Variants in GLE1 observed in about 807,000 individuals in gnomAD.
GLE1 encodes the protein mRNA export factor GLE1.
Under a neutral mutation model 97.3 loss-of-function variants are expected in GLE1, and 78 were observed. The ratio of observed to expected loss-of-function variants is 0.80; its 90% CI spans 0.67 to 0.97. GLE1 has a LOEUF of 0.97. Ranked by LOEUF, GLE1 falls within the 50% of genes least tolerant of loss-of-function variation. GLE1 has a pLI of 0.00. For missense variants in GLE1, 753 were observed against 857.5 expected (o/e 0.88, Z 1.52); for synonymous variants, 302 against 313.4 (o/e 0.96, Z 0.39).
rs2132549708 is a variant in GLE1 at position 128,542,154 on chromosome 9, T to TA, written c.*987dup. ...TGGCCATGGATCTGTTCCTCTGTGCTAAATGTCTTGTGGCAGGGTGTGTTT... is the reference window on the plus strand; with the variant it reads ...TGGCCATGGATCTGTTCCTCTGTGCTAAAATGTCTTGTGGCAGGGTGTGTTT... On this transcript the variant is annotated 3_prime_UTR_variant, in exon 16 of 16. Coordinates refer to ENST00000309971, the MANE Select transcript of GLE1 (RefSeq NM_001003722.2). The TA allele has an allele frequency of 6.6e-6, 1 of 152,418 alleles. No individual in the cohort carries two copies. Among genetic ancestry groups the TA allele is most frequent in the South Asian group, 2.1e-4 (1 of 4,828 alleles). The allele number at this position is 152,418 out of a possible 1,614,324, so 9.4% of individuals were successfully genotyped here.
In GLE1 at chr9:128,541,638, A is replaced by G. The variant is rs1847885328; in HGVS notation, c.*468A>G. The G allele has an allele frequency of 1.2e-5, 2 of 170,894 alleles. No individual in the cohort carries two copies. The highest frequency in any genetic ancestry group is 2.8e-4 in the South Asian group (2 of 7,040). The allele number at this position is 170,894 out of a possible 1,614,324, so 10.6% of individuals were successfully genotyped here. The stretch of plus-strand genomic sequence containing the variant: ...TATTATTTAATAGTTGAGGCCAGAT[A>G]CTTACATGCAAGTCTGGGTTATGGT... On this transcript the variant is annotated 3_prime_UTR_variant, in exon 16 of 16. Transcript: ENST00000309971.
Position 128,538,040 on chromosome 9 carries a change from A to G in GLE1, c.1831A>G (p.Met611Val). 1 of 1,612,978 alleles carries G rather than the reference A, an allele frequency of 6.2e-7. No individual in the cohort carries two copies. The highest frequency in any genetic ancestry group is 1.3e-5 in the African/African-American group (1 of 75,024). The change falls in exon 13 of 16, where the codon ATG becomes GTG. Residue 611 changes from methionine to valine, a missense_variant. By Grantham distance (21) the Met-to-Val change is conservative. Coordinates refer to ENST00000309971, the MANE Select transcript of GLE1 (RefSeq NM_001003722.2). Reference protein sequence around the residue: ...GWRWLAQILNMEPLSDVTATL... With the variant: ...GWRWLAQILNVEPLSDVTATL... ...GCGCTGGTTGGCACAGATCTTAAACATGGAGCCCTTGTCAGATGTGACAGC... is the reference window on the plus strand; with the variant it reads ...GCGCTGGTTGGCACAGATCTTAAACGTGGAGCCCTTGTCAGATGTGACAGC...
At chr9:128,516,665 C>T (rs1026775663) in intron 3 of GLE1, among the ~76,000 whole-genome samples, 3 of 150,676 alleles carry the variant, frequency 2.0e-5, no homozygotes, top group African/African-American at 7.3e-5. Context: ...CTGTTGTCAG[C>T]CCGGGCTGGA....
In GLE1 at chr9:128,520,348, A is replaced by G. The variant is rs1189210592; in HGVS notation, c.433-2320A>G. 8.6e-4 allele frequency among the ~76,000 whole-genome samples: 128 copies of G among 148,078 alleles called. 2 individuals carry two copies. The Admixed American group carries it at 8.7e-3, about 10-fold the overall frequency. On this transcript the variant is annotated intron_variant, in intron 3 of 15. Transcript: ENST00000309971. Reference sequence around the variant, plus strand: ...TATGTGTGTATATGTGTATATGTGTATATATGTATGTGTGTATATATGTAT... The same window carrying G: ...TATGTGTGTATATGTGTATATGTGTGTATATGTATGTGTGTATATATGTAT...
At chr9:128,507,069 C>T (rs1280483979) in intron 1 of GLE1, among the ~76,000 whole-genome samples, 1 of 152,150 alleles carries the variant, frequency 6.6e-6, no homozygotes, top group Admixed American at 6.5e-5. Context: ...AGTTCTGGAA[C>T]TTACCTTTTC....
At chr9:128,505,191 A>G (rs183513968) in intron 1 of GLE1, among the ~76,000 whole-genome samples, 1 of 152,250 alleles carries the variant, frequency 6.6e-6, no homozygotes, top group East Asian at 1.9e-4. Flanking sequence ...TGTCAAAGCA[A>G]TCTCGGCCCC....
intron 11 of GLE1, among the ~76,000 whole-genome samples, chr9:128,534,694 T>C (rs1332103748): frequency 6.6e-6 from 1 of 151,856 alleles, no homozygotes; most frequent in Non-Finnish European, 1.5e-5. Context: ...TAATAATATG[T>C]AATAATATAT....
At position 128,522,699 on chromosome 9, in the gene GLE1, A is replaced by G. The variant is rs1362379991; in HGVS notation, c.464A>G (p.Glu155Gly). 1 of 1,609,110 alleles carries G rather than the reference A, an allele frequency of 6.2e-7. No individual in the cohort carries two copies. ...EGLRLWQEEQ[E>G]RKVQALSEMA... ...CTGAGGCTATGGCAGGAGGAGCAGG[A>G]GAGGAAGGTGCAAGCCCTCTCGGAG... Residue 155 changes from glutamate to glycine, a missense_variant, in exon 4 of 16, where the codon GAG (glutamate) becomes GGG (glycine). Transcript: ENST00000309971.
Position 128,541,132 on chromosome 9 carries a change from C to T in GLE1, c.2059C>T (p.Pro687Ser), listed in dbSNP as rs1847872812. Residue 687 changes from proline (P) to serine (S), a missense_variant, in exon 16 of 16, where the codon CCC becomes TCC. By Grantham distance (74) the Pro-to-Ser change is moderately conservative. Transcript: ENST00000309971. ...KCLQHKDIPV[P>S]KGFLTSSFWR... ...TTTGCAACACAAGGACATTCCTGTC[C>T]CCAAGGGCTTTCTGACTTCCTCCTT... 6.3e-7 allele frequency: 1 copy of T among 1,593,506 alleles called. No individual in the cohort carries two copies. The highest frequency in any genetic ancestry group is 1.3e-5 in the African/African-American group (1 of 74,596).
At chr9:128,532,050 TG>T (rs1278560048) in intron 9 of GLE1, among the ~76,000 whole-genome samples, 8 of 151,170 alleles carry the variant, frequency 5.3e-5, no homozygotes, top group Admixed American at 1.3e-4. Context: ...TTTTTTTTTT[TG>T]ATAAGAGAAC....
intron 3 of GLE1, among the ~76,000 whole-genome samples, chr9:128,520,412 ATATATATG>A (rs915119901): frequency 3.2e-4 from 46 of 144,626 alleles, no homozygotes; most frequent in Middle Eastern, 3.8e-3. Context: ...GTATATATGT[ATATATATG>A]TATATATGTA....
chr9:128,536,582 T>G, intron 12 of GLE1, 98 bp downstream of exon 12: 1 of 1,090,420 alleles, frequency 9.2e-7, no homozygotes. Flanking sequence ...AGAGAGCCAG[T>G]CTAGTTAAAG....
chr9:128,516,348 C>T (rs1846986652), intron 3 of GLE1, among the ~76,000 whole-genome samples: 1 of 151,942 alleles, frequency 6.6e-6, no homozygotes, highest in South Asian at 2.1e-4. Flanking sequence ...GAGATGGAGT[C>T]TTGCTCTGTT....
intron 6 of GLE1, among the ~76,000 whole-genome samples, chr9:128,524,210 C>G (rs562533046): frequency 2.7e-5 from 4 of 150,648 alleles, no homozygotes; most frequent in African/African-American, 9.8e-5. Context: ...TCCTGAGTAG[C>G]TGGGACTACA....
At position 128,524,072 on chromosome 9, in the gene GLE1, C is replaced by CTTTTTTTTT. The variant is rs67466089; in HGVS notation, c.897+243_897+251dup. Among the ~76,000 whole-genome samples the CTTTTTTTTT allele has an allele frequency of 2.7e-4, 19 of 69,978 alleles. 2 individuals are homozygous for CTTTTTTTTT. Among genetic ancestry groups the CTTTTTTTTT allele is most frequent in the African/African-American group, 1.3e-3 (18 of 13,784 alleles). 45.9% of individuals were successfully genotyped at this position (69,978 alleles called of 152,430 possible). The stretch of plus-strand genomic sequence containing the variant: ...TTTTTATACCTGCTTATTCTGGAGT[C>CTTTTTTTTT]TTTTTTTTTTTTTTTTTTTTTTTTT... On this transcript the variant is annotated intron_variant, in intron 6 of 15. Coordinates refer to ENST00000309971, the MANE Select transcript of GLE1 (RefSeq NM_001003722.2).
chr9:128,537,744 A>G (rs1486976062), intron 12 of GLE1, among the ~76,000 whole-genome samples: 1 of 152,192 alleles, frequency 6.6e-6, no homozygotes, highest in Admixed American at 6.5e-5. Context: ...CAGGAGGTGA[A>G]GGCTGCAGTG....
At chr9:128,540,479 CCT>C in intron 15 of GLE1, 141 bp downstream of exon 15, 1 of 696,954 alleles carries the variant, frequency 1.4e-6, no homozygotes, top group Non-Finnish European at 2.6e-6. Flanking sequence ...TTCCTAATTC[CCT>C]CTTAACCTTT....
At chr9:128,507,586 A>T (rs1846676810) in intron 1 of GLE1, among the ~76,000 whole-genome samples, 1 of 137,600 alleles carries the variant, frequency 7.3e-6, no homozygotes, top group Non-Finnish European at 1.6e-5. Context: ...CCTGTCTCTC[A>T]AAAAAAAAAA....
At chr9:128,529,280 A>G (rs1847407558) in intron 9 of GLE1, among the ~76,000 whole-genome samples, 1 of 152,158 alleles carries the variant, frequency 6.6e-6, no homozygotes. Context: ...AAATGGAGAC[A>G]TCCAGTGTGA....
Sources: gnomAD v4.1 joint callset for allele counts (sites outside exome capture counted in the v4.1 genomes callset) on GRCh38, gnomAD v4.1.1 for gene constraint, MANE v1.5 for transcripts, NCBI Gene and HGNC (gene_info 2026-07-23, HGNC 2026-07-21) for gene names.